PPFIA2: variants seen among roughly 807,000 people sequenced by gnomAD.
The protein encoded by PPFIA2 is liprin-alpha-2.
A neutral mutation model predicts 175.5 loss-of-function variants in PPFIA2; 46 were observed. That is an observed-to-expected ratio of 0.26 (90% CI 0.21 to 0.34). The LOEUF is 0.34. Ranked by LOEUF, PPFIA2 falls within the 10% of genes least tolerant of loss-of-function variation. The pLI is 1.00. For missense variants in PPFIA2, 1,179 were observed against 1,506.1 expected (o/e 0.78, Z 3.60); for synonymous variants, 568 against 511.4 (o/e 1.11, Z -1.49).
intron 3 of PPFIA2, among the ~76,000 whole-genome samples, chr12:81,693,613 C>G (rs956940609): frequency 2.0e-5 from 3 of 151,982 alleles, no homozygotes; most frequent in Admixed American, 6.6e-5. Flanking sequence ...AAATTGGTAC[C>G]AGGAGTTTGG....
chr12:81,477,831 T>C (rs904170673), intron 4 of PPFIA2, among the ~76,000 whole-genome samples: 2 of 152,132 alleles, frequency 1.3e-5, no homozygotes, highest in African/African-American at 4.8e-5. Context: ...ATTTTCGCAT[T>C]GATGTTCATC....
intron 4 of PPFIA2, among the ~76,000 whole-genome samples, chr12:81,531,673 T>C (rs2064584316): frequency 6.6e-6 from 1 of 151,412 alleles, no homozygotes; most frequent in African/African-American, 2.4e-5. Flanking sequence ...CAGGGTCTAC[T>C]GTACCAGGAA....
At chr12:81,307,688 TA>T (rs2049632816) in intron 22 of PPFIA2, among the ~76,000 whole-genome samples, 1 of 152,160 alleles carries the variant, frequency 6.6e-6, no homozygotes. Context: ...GAGACCTTCC[TA>T]AACACAAATC....
chr12:81,726,031 C>T (rs913667021), intron 3 of PPFIA2, among the ~76,000 whole-genome samples: 10 of 151,172 alleles, frequency 6.6e-5, no homozygotes, highest in African/African-American at 2.4e-4. Context: ...TCAATGGATG[C>T]CCTTGCTCCC....
At chr12:81,351,286 A>G (rs189459201) in intron 17 of PPFIA2, among the ~76,000 whole-genome samples, 25 of 152,238 alleles carry the variant, frequency 1.6e-4, no homozygotes, top group Non-Finnish European at 3.1e-4. Flanking sequence ...GATATTTGTT[A>G]GGCTATAATA....
chr12:81,276,485 TAAAAATAGAACG>T, intron 28 of PPFIA2, among the ~76,000 whole-genome samples: 1 of 152,106 alleles, frequency 6.6e-6, no homozygotes, highest in South Asian at 2.1e-4. Context: ...ACAACAATAA[TAAAAATAGAACG>T]GTCTCTAAGA....
chr12:81,713,397 C>G (rs140302612), intron 3 of PPFIA2, among the ~76,000 whole-genome samples: 1 of 151,090 alleles, frequency 6.6e-6, no homozygotes, highest in African/African-American at 2.4e-5. Context: ...AGAGTATGAT[C>G]TCTAGTTAGA....
intron 3 of PPFIA2, among the ~76,000 whole-genome samples, chr12:81,728,250 G>A (rs769830790): frequency 4.0e-5 from 6 of 151,308 alleles, no homozygotes; most frequent in Non-Finnish European, 7.4e-5. Flanking sequence ...AGAGCAAAAA[G>A]GCTAAGAATG....
At chr12:81,622,326 A>AC (rs2062146960) in intron 4 of PPFIA2, among the ~76,000 whole-genome samples, 1 of 152,216 alleles carries the variant, frequency 6.6e-6, no homozygotes, top group African/African-American at 2.4e-5. Context: ...CAATAGCAAT[A>AC]CCCCAAATCA....
At chr12:81,357,939 A>T in intron 16 of PPFIA2, 143 bp downstream of exon 16, 2 of 835,234 alleles carry the variant, frequency 2.4e-6, no homozygotes, top group South Asian at 4.7e-5. Context: ...TGTTACTTAT[A>T]GTTTTTTTAA....
intron 5 of PPFIA2, among the ~76,000 whole-genome samples, chr12:81,446,541 G>T (rs2051302232): frequency 6.6e-6 from 1 of 152,158 alleles, no homozygotes; most frequent in African/African-American, 2.4e-5. Flanking sequence ...ATCAGAAATT[G>T]CTTGATTATT....
chr12:81,707,647 T>A (rs2153610728), intron 3 of PPFIA2, among the ~76,000 whole-genome samples: 1 of 150,214 alleles, frequency 6.7e-6, no homozygotes, highest in East Asian at 2.0e-4. Flanking sequence ...AGAAATACCG[T>A]TTGACCCAGC....
At chr12:81,285,481 T>C (rs1473708486) in intron 24 of PPFIA2, among the ~76,000 whole-genome samples, 5 of 152,114 alleles carry the variant, frequency 3.3e-5, no homozygotes, top group African/African-American at 9.7e-5. Flanking sequence ...TATAATTTGA[T>C]GTAAGTGAAA....
chr12:81,284,098 AC>A, intron 25 of PPFIA2, 142 bp downstream of exon 25: 1 of 651,596 alleles, frequency 1.5e-6, no homozygotes, highest in South Asian at 2.0e-5. Context: ...GTAAAAGAAA[AC>A]TGTAAAAAAT....
chr12:81,408,421 C>T (rs74104443), intron 7 of PPFIA2, among the ~76,000 whole-genome samples: 10,682 of 152,136 alleles, frequency 0.07, 528 homozygotes, highest in African/African-American at 0.14. Context: ...TATTAATCTA[C>T]TCAGAAGTGA....
At chr12:81,279,337 C>G (rs1432123151) in intron 27 of PPFIA2, 1 of 152,006 alleles carries the variant, frequency 6.6e-6, no homozygotes, top group African/African-American at 2.4e-5. Context: ...TTTATGACAC[C>G]CATCTGTGGT....
At chr12:81,365,583 A>G (rs1258165861) in intron 14 of PPFIA2, among the ~76,000 whole-genome samples, 2 of 151,740 alleles carry the variant, frequency 1.3e-5, no homozygotes, top group Non-Finnish European at 2.9e-5. Context: ...CTACTTCTTT[A>G]AATACATACC....
At chr12:81,267,706 C>T (rs915948375) in intron 29 of PPFIA2, among the ~76,000 whole-genome samples, 1 of 148,786 alleles carries the variant, frequency 6.7e-6, no homozygotes, top group Non-Finnish European at 1.5e-5. Flanking sequence ...ACTTCGAAAT[C>T]CCTTTCTTGT....
intron 4 of PPFIA2, among the ~76,000 whole-genome samples, chr12:81,474,372 C>T (rs966910128): frequency 3.3e-5 from 5 of 151,888 alleles, no homozygotes; most frequent in African/African-American, 1.2e-4. Flanking sequence ...TTTTGGGCTG[C>T]TCTCAAACTC....
Sources: allele counts gnomAD v4.1 joint callset (sites outside exome capture counted in the v4.1 genomes callset), GRCh38; gene constraint gnomAD v4.1.1; transcripts MANE v1.5; gene names NCBI Gene and HGNC (gene_info 2026-07-23, HGNC 2026-07-21).